UBR4: variants seen among roughly 807,000 people sequenced by gnomAD.
UBR4 encodes the protein E3 ubiquitin-protein ligase UBR4.
Under a neutral mutation model 575.6 loss-of-function variants are expected in UBR4, and 124 were observed. The observed-to-expected ratio is 0.22, with a 90% CI of 0.19 to 0.25. UBR4 has a LOEUF of 0.25. Ranked by LOEUF, UBR4 falls within the 10% of genes least tolerant of loss-of-function variation. UBR4 has a pLI of 1.00. For synonymous variants in UBR4, 2,455 were observed against 2,473.7 expected (o/e 0.99, Z 0.22); for missense variants, 4,818 against 6,478.8 (o/e 0.74, Z 8.80).
chr1:19,182,000 TTC>T lies in UBR4; in HGVS notation c.2184+1809_2184+1810del, dbSNP rs1312249225. 2.6e-5 allele frequency among the ~76,000 whole-genome samples: 4 copies of T among 152,284 alleles called. No individual in the cohort carries two copies. In the South Asian group the frequency reaches 6.2e-4, roughly 24 times the overall value. ...TGCCCCACGCGACCACCATTCTACT[TTC>T]TGTCTCTATGAATTTGACTACCTAA... On this transcript the variant is annotated intron_variant, in intron 17 of 105. Transcript: ENST00000375254.
Position 19,153,791 on chromosome 1 carries a change from T to C in UBR4, c.6607A>G (p.Lys2203Glu). Residue 2203 changes from lysine to glutamate, a missense_variant, in exon 45 of 106, where the codon AAG becomes GAG. Physicochemically the swap from Lys to Glu is moderately conservative, Grantham distance 56 (BLOSUM62 1). Coordinates refer to ENST00000375254, the MANE Select transcript of UBR4 (RefSeq NM_020765.3). This position sits in a 1 kb window ranked among gnomAD's most constrained non-coding sequence, Gnocchi z 4.1. ...KPDTFLIQEI[K>E]TLPAKAKIQD... ...ACCTTCGCTTTAGCAGGAAGAGTCT[T>C]AATCTCCTGGATAAGAAAAGTGTCT... 1 of 1,614,126 alleles carries C rather than the reference T, an allele frequency of 6.2e-7. No individual in the cohort carries two copies. The highest frequency in any genetic ancestry group is 8.5e-7 in the Non-Finnish European group (1 of 1,179,994).
Position 19,138,025 on chromosome 1 carries a change from T to A in UBR4, c.8888A>T (p.Asp2963Val). Residue 2963 changes from aspartate to valine, a missense_variant, in exon 60 of 106, where the codon GAT becomes GTT. Asp to Val is a radical substitution (Grantham distance 152). Transcript: ENST00000375254. ...EGEGEGETEG[D>V]VHTSNRLHMV... is the part of the protein sequence containing the mutation. ...TCTTGACCTGTTGCTAGTGTGGACA[T>A]CTCCTTCAGTTTCTCCTTCTCCTTC... 1.3e-6 allele frequency: 2 copies of A among 1,562,746 alleles called. No homozygotes were observed. The highest frequency in any genetic ancestry group is 4.6e-5 in the East Asian group (2 of 43,510).
intron 1 of UBR4, among the ~76,000 whole-genome samples, chr1:19,209,773 G>A (rs1571912715): frequency 6.6e-6 from 1 of 152,208 alleles, no homozygotes; most frequent in South Asian, 2.1e-4. Flanking sequence ...GGGCAGCCCC[G>A]TGAACATTCC....
chr1:19,169,573 AAGGAACGACACAG>A (rs2089168689), intron 26 of UBR4, 41 bp from the exon 27 acceptor site: 1 of 1,568,466 alleles, frequency 6.4e-7, no homozygotes, highest in Admixed American at 1.8e-5. Flanking sequence ...CACAAGAAAG[AAGGAACGACACAG>A]AGCATTTTAA....
rs573033997 is a variant in UBR4, at chr1:19,152,102, C to T, written c.6996+211G>A. 6.6e-6 allele frequency among the ~76,000 whole-genome samples: 1 copy of T among 152,310 alleles called. No homozygotes were observed. The highest frequency in any genetic ancestry group is 2.1e-4 in the South Asian group (1 of 4,826). ...TCTTTGATGTCCTCTACACAGTAAT[C>T]CTGCTGGTATTGGTGGAAACCCAAC... On this transcript the variant is annotated intron_variant, in intron 47 of 105. Transcript: ENST00000375254. This position sits in a 1 kb window ranked among gnomAD's most constrained non-coding sequence, Gnocchi z 4.4.
intron 77 of UBR4, chr1:19,113,289 G>A: frequency 3.9e-6 from 1 of 259,210 alleles, no homozygotes; most frequent in South Asian, 6.4e-5. Context: ...CATTGCAACT[G>A]ACACAAGGCC....
At position 19,106,550 on chromosome 1, in the gene UBR4, T is replaced by A. The variant is rs755665657; in HGVS notation, c.12393+19A>T. 1 of 1,547,282 alleles carries A rather than the reference T, an allele frequency of 6.5e-7. No homozygotes were observed. The highest frequency in any genetic ancestry group is 2.3e-5 in the East Asian group (1 of 44,348). ...GGTCAGGGGCGCAGGGGGTGAAGAGTCCAGAAGTGGCCACTCACTTGTCGC... is the reference window on the plus strand; with the variant it reads ...GGTCAGGGGCGCAGGGGGTGAAGAGACCAGAAGTGGCCACTCACTTGTCGC... On this transcript the variant is annotated intron_variant, in intron 83 of 105. Transcript: ENST00000375254.
intron 92 of UBR4, 31 bp downstream of exon 92, chr1:19,096,492 T>C: frequency 6.2e-7 from 1 of 1,606,254 alleles, no homozygotes; most frequent in Non-Finnish European, 8.5e-7. Context: ...GCAGAAAGGC[T>C]GGCCCCCACA....
At chr1:19,174,736 T>G (rs2090036277) in intron 21 of UBR4, among the ~76,000 whole-genome samples, 1 of 152,192 alleles carries the variant, frequency 6.6e-6, no homozygotes, top group Non-Finnish European at 1.5e-5. Flanking sequence ...AAATCAAGTG[T>G]CAGAGGTGCC....
chr1:19,112,490 CCA>C (rs2080012764), intron 78 of UBR4, 32 bp downstream of exon 78: 1 of 1,570,872 alleles, frequency 6.4e-7, no homozygotes, highest in Non-Finnish European at 8.7e-7. Context: ...TCAGTAGGAA[CCA>C]CTAGGCCCAT....
In UBR4 at chr1:19,141,462, C is replaced by G. The variant is rs541483369; in HGVS notation, c.8373G>C (p.Glu2791Asp). ...NVNNGNPSPL[E>D]ALLAGAEGFP... is the part of the protein sequence containing the mutation. ...AGCCCTCTGCGCCTGCCAGCAGGGC[C>G]TCCAGGGGAGAGGGGTTGCCATTGT... The change falls in exon 57 of 106, where the codon GAG (glutamate) becomes GAC (aspartate). Residue 2791 changes from glutamate to aspartate, a missense_variant. By Grantham distance (45) the Glu-to-Asp change is conservative (BLOSUM62 2). Around this residue, in one of 29 missense-constraint regions of UBR4, gnomAD observed 129 missense variants for 198.4 expected, o/e 0.65. Transcript: ENST00000375254. 1.9e-6 allele frequency: 3 copies of G among 1,614,076 alleles called. No homozygotes were observed. The African/African-American group carries it at 4.0e-5, about 22-fold the overall frequency.
intron 60 of UBR4, among the ~76,000 whole-genome samples, chr1:19,132,895 C>T (rs555897656): frequency 3.3e-4 from 50 of 152,060 alleles, no homozygotes; most frequent in Admixed American, 9.2e-4. Flanking sequence ...TTGTAAAATA[C>T]GATATACCAA....
intron 33 of UBR4, 65 bp downstream of exon 33, chr1:19,164,188 T>C (rs1335978103): frequency 5.9e-6 from 9 of 1,533,814 alleles, no homozygotes; most frequent in East Asian, 2.3e-5. Context: ...CTTTGAGCTA[T>C]AAAGAAAGTA....
chr1:19,187,661 G>GAA, intron 11 of UBR4, 121 bp from the exon 12 acceptor site: 31 of 745,302 alleles, frequency 4.2e-5, no homozygotes, highest in Non-Finnish European at 5.6e-5. Flanking sequence ...TGGACCTTCA[G>GAA]AAAAAAAAAA....
intron 17 of UBR4, among the ~76,000 whole-genome samples, chr1:19,181,917 C>T (rs764312043): frequency 1.3e-4 from 20 of 152,146 alleles, no homozygotes; most frequent in Admixed American, 1.0e-3. Context: ...ACTTTTTCAT[C>T]TCTCCAAACT....
intron 8 of UBR4, among the ~76,000 whole-genome samples, chr1:19,195,153 T>C (rs1310571195): frequency 6.6e-6 from 1 of 151,004 alleles, no homozygotes; most frequent in Non-Finnish European, 1.5e-5. Context: ...TGGTCCCAGC[T>C]ACAAGGGAGG....
At chr1:19,186,057 G>A (rs1478565887) in intron 14 of UBR4, among the ~76,000 whole-genome samples, 4 of 152,128 alleles carry the variant, frequency 2.6e-5, no homozygotes, top group Non-Finnish European at 5.9e-5. Context: ...AAGAATCTGA[G>A]GTACTTACCT....
Position 19,156,813 on chromosome 1 carries a change from G to T in UBR4, c.5873C>A (p.Thr1958Lys), listed in dbSNP as rs1011472587. 1 of 1,614,036 alleles carries T rather than the reference G, an allele frequency of 6.2e-7. No individual in the cohort carries two copies. The highest frequency in any genetic ancestry group is 8.5e-7 in the Non-Finnish European group (1 of 1,180,008). The change falls in exon 41 of 106, where the codon ACA (threonine) becomes AAA (lysine). Residue 1958 changes from threonine (T) to lysine (K), a missense_variant. Thr to Lys is a moderately conservative substitution (Grantham distance 78). This residue lies in a region of UBR4 where 461 missense variants were observed against 606.9 expected (regional missense o/e 0.76). Transcript: ENST00000375254. ...APVPFTVLSL[T>K]GNPCKEDYLA... ...GTAGTCTTCCTTGCAGGGATTTCCTGTGAGGCTCAACACAGTAAAAGGAAC... is the reference window on the plus strand; with the variant it reads ...GTAGTCTTCCTTGCAGGGATTTCCTTTGAGGCTCAACACAGTAAAAGGAAC...
chr1:19,123,135 G>A, intron 65 of UBR4, 75 bp from the exon 66 acceptor site: 1 of 1,488,474 alleles, frequency 6.7e-7, no homozygotes, highest in Non-Finnish European at 9.2e-7. Context: ...CTCACACCCT[G>A]GGTTTTAATA....
Sources: gnomAD v4.1 joint callset for allele counts (sites outside exome capture counted in the v4.1 genomes callset) on GRCh38, gnomAD v4.1.1 for gene constraint, gnomAD v4.1.1 regional missense constraint, Gnocchi (gnomAD v3.1) non-coding constraint, MANE v1.5 for transcripts, NCBI Gene and HGNC (gene_info 2026-07-23, HGNC 2026-07-21) for gene names.